TAB2: variants seen among roughly 807,000 people sequenced by gnomAD.
TAB2 encodes the protein TGF-beta-activated kinase 1 and MAP3K7-binding protein 2.
Under a neutral mutation model 65.0 loss-of-function variants are expected in TAB2, and 3 were observed. The ratio of observed to expected loss-of-function variants is 0.05; its 90% CI spans 0.02 to 0.12. TAB2 has a LOEUF of 0.12. Among genes scored for constraint, TAB2 ranks in the 10% least tolerant of loss-of-function variants. The pLI, the probability that TAB2 is intolerant of heterozygous loss-of-function variation, is 1.00. For missense variants in TAB2, 623 were observed against 840.3 expected (o/e 0.74, Z 3.20); for synonymous variants, 298 against 285.1 (o/e 1.05, Z -0.46).
intron 1 of TAB2, chr6:149,318,589 A>C (rs1296413392): frequency 6.6e-6 from 1 of 152,218 alleles, no homozygotes; most frequent in Non-Finnish European, 1.5e-5. Flanking sequence ...CCCTACTATG[A>C]ATATGTGGCC....
chr6:149,400,263 G>A (rs1782327784), intron 6 of TAB2: 7 of 1,011,878 alleles, frequency 6.9e-6, no homozygotes, highest in Non-Finnish European at 8.5e-6. Context: ...AGCCCAGGAT[G>A]TGCACGCACC....
chr6:149,402,715 C>T (rs1028717036), intron 6 of TAB2, among the ~76,000 whole-genome samples: 10 of 152,180 alleles, frequency 6.6e-5, no homozygotes, highest in South Asian at 4.1e-4. Context: ...TGAACATAGA[C>T]GCAAAAAGTC....
At chr6:149,391,388 C>A (rs370732613) in intron 3 of TAB2, among the ~76,000 whole-genome samples, 1 of 152,120 alleles carries the variant, frequency 6.6e-6, no homozygotes, top group African/African-American at 2.4e-5. Flanking sequence ...TGTCTCCCTT[C>A]AGCCCTGGGA....
At chr6:149,243,810 G>A (rs1424843830) in intron 1 of TAB2, 3 of 152,242 alleles carry the variant, frequency 2.0e-5, no homozygotes, top group Non-Finnish European at 4.4e-5. Context: ...AGAAGTGATT[G>A]AAGGTTCTTC....
At position 149,263,280 on chromosome 6, in the gene TAB2, C is replaced by T. The variant is rs1778191850; in HGVS notation, c.-121+44504C>T. Among the ~76,000 whole-genome samples the T allele has an allele frequency of 2.6e-5, 4 of 152,166 alleles. No individual in the cohort carries two copies. The Middle Eastern group carries it at 0.014, about 518-fold the overall frequency. ...TATTGTTACTTATTAGGGAAAAAAA[C>T]AATTTTATAGTTGTTACAGAAAAAC... On this transcript the variant is annotated intron_variant, in intron 1 of 1. Transcript: ENST00000606202.
chr6:149,383,390 G>A (rs7742990), intron 3 of TAB2, among the ~76,000 whole-genome samples: 132,563 of 152,186 alleles, frequency 0.87, 57,809 homozygotes, highest in Middle Eastern at 0.97. Flanking sequence ...CAACCTTGAT[G>A]GAGGTTAAAG....
chr6:149,257,805 T>C (rs60404972), intron 1 of TAB2, among the ~76,000 whole-genome samples: 5,672 of 151,974 alleles, frequency 0.037, 330 homozygotes, highest in African/African-American at 0.13. Flanking sequence ...TCATAGCTCC[T>C]GGGGGAGCAA....
At chr6:149,352,666 G>A (rs1198527390) in intron 1 of TAB2, among the ~76,000 whole-genome samples, 2 of 152,100 alleles carry the variant, frequency 1.3e-5, no homozygotes, top group Non-Finnish European at 2.9e-5. Flanking sequence ...CATTTACTGT[G>A]TTATCAACTA....
chr6:149,328,319 A>G (rs1779678687), intron 1 of TAB2, among the ~76,000 whole-genome samples: 1 of 152,048 alleles, frequency 6.6e-6, no homozygotes, highest in Non-Finnish European at 1.5e-5. Context: ...TTTGAGAGGG[A>G]GTCTGCTCTG....
intron 1 of TAB2, among the ~76,000 whole-genome samples, chr6:149,311,374 T>A (rs1341761251): frequency 6.6e-6 from 1 of 152,254 alleles, no homozygotes; most frequent in Non-Finnish European, 1.5e-5. Flanking sequence ...TCTCCTGTGA[T>A]CTTCTCCTCT....
Position 149,379,261 on chromosome 6 carries a change from C to T in TAB2, c.1346C>T (p.Thr449Ile). The T allele has an allele frequency of 6.2e-7, 1 of 1,614,202 alleles. No individual in the cohort carries two copies. The highest frequency in any genetic ancestry group is 8.5e-7 in the Non-Finnish European group (1 of 1,180,044). ...KSRAIGNNSA[T>I]SPRVVVTQPN... ...CGAGCAATAGGCAATAACTCTGCAA[C>T]CTCTCCTCGAGTGGTAGTCACTCAG... Residue 449 changes from threonine to isoleucine, a missense_variant, in exon 3 of 7, where the codon ACC (threonine) becomes ATC (isoleucine). Thr to Ile is a moderately conservative substitution (Grantham distance 89). Around this residue, in one of 3 missense-constraint regions of TAB2, gnomAD observed 550 missense variants for 665.7 expected, o/e 0.83. Transcript: ENST00000637181.
chr6:149,277,017 C>T (rs915264962), intron 1 of TAB2, among the ~76,000 whole-genome samples: 3 of 152,152 alleles, frequency 2.0e-5, no homozygotes, highest in Admixed American at 6.5e-5. Flanking sequence ...TAAAGGGTTG[C>T]CCCTTTCACT....
At chr6:149,252,400 C>CAAAAA (rs10700931) in intron 1 of TAB2, among the ~76,000 whole-genome samples, 1 of 92,850 alleles carries the variant, frequency 1.1e-5, no homozygotes, top group Non-Finnish European at 2.4e-5. Flanking sequence ...AACTCTGCCT[C>CAAAAA]AAAAAAAAAA....
intron 1 of TAB2, among the ~76,000 whole-genome samples, chr6:149,234,037 A>G (rs1777451840): frequency 6.6e-6 from 1 of 152,074 alleles, no homozygotes; most frequent in South Asian, 2.1e-4. Flanking sequence ...GATTTTTTTA[A>G]CCTTTTAATA....
At chr6:149,365,919 G>C (rs1394861938) in intron 1 of TAB2, among the ~76,000 whole-genome samples, 2 of 151,924 alleles carry the variant, frequency 1.3e-5, no homozygotes, top group African/African-American at 4.8e-5. Flanking sequence ...ATTTTTTTCA[G>C]TTATTTTATT....
rs888841604 is a variant in TAB2, at chr6:149,411,267, A to G, written c.*1548A>G. 6.6e-6 allele frequency: 1 copy of G among 152,464 alleles called. No homozygotes were observed. The allele number at this position is 152,464 out of a possible 1,614,324, so 9.4% of individuals were successfully genotyped here. A position where few individuals can be genotyped will look rare whatever the true frequency, so the allele number is the denominator to read the frequency against. ...CTACCACCCACTGTAAATGTTTGCA[A>G]GTGGCTGTGTTTTAAATGGGATTAT... On this transcript the variant is annotated 3_prime_UTR_variant, in exon 7 of 7. Coordinates refer to ENST00000637181, the MANE Select transcript of TAB2 (RefSeq NM_001292034.3).
At chr6:149,403,355 C>T (rs1221669175) in intron 6 of TAB2, among the ~76,000 whole-genome samples, 23 of 141,572 alleles carry the variant, frequency 1.6e-4, no homozygotes, top group African/African-American at 5.7e-4. Context: ...CACACACACA[C>T]ACACACACAC....
chr6:149,240,045 C>T (rs1777569385), intron 1 of TAB2, among the ~76,000 whole-genome samples: 1 of 152,334 alleles, frequency 6.6e-6, no homozygotes, highest in East Asian at 1.9e-4. Context: ...CAGAAAGCAG[C>T]AGCAGGAGTT....
At chr6:149,325,105 C>T (rs563540964) in intron 1 of TAB2, among the ~76,000 whole-genome samples, 6 of 152,106 alleles carry the variant, frequency 3.9e-5, no homozygotes, top group South Asian at 2.1e-4. Context: ...TTAATTTTAC[C>T]GTGTTGGGAG....
Sources: gnomAD v4.1 joint callset for allele counts (sites outside exome capture counted in the v4.1 genomes callset) on GRCh38, gnomAD v4.1.1 for gene constraint, gnomAD v4.1.1 regional missense constraint, MANE v1.5 for transcripts, NCBI Gene and HGNC (gene_info 2026-07-23, HGNC 2026-07-21) for gene names.